EYS: variants seen among roughly 807,000 people sequenced by gnomAD.
The protein encoded by EYS is EGF-like photoreceptor maintenance factor, also known as protein eyes shut homolog.
A neutral mutation model predicts 282.1 loss-of-function variants in EYS; 250 were observed. That is an observed-to-expected ratio of 0.89 (90% confidence interval 0.80 to 0.98). EYS has a LOEUF of 0.98. EYS is among the 50% of genes least tolerant of loss of function. The pLI, the probability that EYS is intolerant of heterozygous loss-of-function variation, is 0.00. For synonymous variants in EYS, 1,355 were observed against 1,282.9 expected (o/e 1.06, Z -1.20); for missense variants, 4,016 against 3,709.0 (o/e 1.08, Z -2.15).
intron 35 of EYS, among the ~76,000 whole-genome samples, chr6:63,931,706 A>G (rs1562101469): frequency 6.6e-6 from 1 of 152,232 alleles, no homozygotes; most frequent in South Asian, 2.1e-4. Context: ...CACAAATACA[A>G]TGTATAAGGA....
At chr6:65,682,327 A>T (rs890190977) in intron 1 of EYS, among the ~76,000 whole-genome samples, 16 of 151,910 alleles carry the variant, frequency 1.1e-4, no homozygotes, top group Admixed American at 1.1e-3. Context: ...AGTGGGAAGA[A>T]AACATGGTAT....
intron 31 of EYS, among the ~76,000 whole-genome samples, chr6:64,221,130 C>A (rs1270886706): frequency 1.3e-5 from 2 of 152,050 alleles, no homozygotes; most frequent in Admixed American, 6.6e-5. Flanking sequence ...TGTGTATGTA[C>A]CAATTGTACA....
intron 12 of EYS, among the ~76,000 whole-genome samples, chr6:65,294,829 G>A (rs1489952616): frequency 1.3e-5 from 2 of 151,786 alleles, no homozygotes; most frequent in Non-Finnish European, 2.9e-5. Context: ...AACAATGCTA[G>A]CACATTTATG....
rs138542207 is a variant in EYS at position 64,449,002 on chromosome 6, C to T, written c.5645-9650G>A. On this transcript the variant is annotated intron_variant, in intron 26 of 42. Coordinates refer to ENST00000503581, the MANE Select transcript of EYS (RefSeq NM_001142800.2). ...TCACCAGCAATGGAACAAAGCTGGA[C>T]GGAGAATGACTTTGATGAGTTGAGA... is the stretch of plus-strand genomic sequence containing the variant. Among the ~76,000 whole-genome samples, 1,132 of 152,124 alleles carry T rather than the reference C, an allele frequency of 7.4e-3. 8 individuals are homozygous for T. The highest frequency in any genetic ancestry group is 0.026 in the African/African-American group (1,073 of 41,488).
intron 24 of EYS, among the ~76,000 whole-genome samples, chr6:64,608,183 A>C (rs927237411): frequency 6.6e-6 from 1 of 152,140 alleles, no homozygotes; most frequent in Non-Finnish European, 1.5e-5. Flanking sequence ...TAATCCATTC[A>C]TGTTTTCGTT....
rs530998187 is a variant in EYS, at chr6:64,784,014, A to G, written c.3443+29364T>C. Among the ~76,000 whole-genome samples, 13 of 152,232 alleles carry G rather than the reference A, an allele frequency of 8.5e-5. 1 individual carries two copies. Among genetic ancestry groups the G allele is most frequent in the African/African-American group, 3.1e-4 (13 of 41,562 alleles). ...GAGAATATGGTATGTTCATGACCTT[A>G]CAGAGTTTATGTACATATTTTGAAG... On this transcript the variant is annotated intron_variant, in intron 22 of 42. Coordinates refer to ENST00000503581, the MANE Select transcript of EYS (RefSeq NM_001142800.2).
chr6:65,315,334 A>G (rs981081848), intron 11 of EYS, among the ~76,000 whole-genome samples: 7 of 152,176 alleles, frequency 4.6e-5, no homozygotes, highest in Admixed American at 2.6e-4. Context: ...TACTATACAT[A>G]AATGCATACC....
At position 65,668,249 on chromosome 6, in the gene EYS, A is replaced by T. The variant is rs1562318453; in HGVS notation, c.-447-28357T>A. On this transcript the variant is annotated intron_variant, in intron 1 of 42. Coordinates refer to ENST00000503581, the MANE Select transcript of EYS (RefSeq NM_001142800.2). ...TGTTGTGACTAACATGCTTCTTCAC[A>T]TATGTGTTTAAAAGTACCCTAAAAT... Among the ~76,000 whole-genome samples the T allele has an allele frequency of 5.3e-5, 8 of 152,014 alleles. 1 individual carries two copies. The highest frequency in any genetic ancestry group is 5.3e-4 in the Admixed American group (8 of 15,236).
At chr6:65,468,609 G>A (rs952224385) in intron 5 of EYS, among the ~76,000 whole-genome samples, 2 of 151,832 alleles carry the variant, frequency 1.3e-5, no homozygotes, top group African/African-American at 2.4e-5. Context: ...GTATTCCAGC[G>A]TCCTTTTAAG....
intron 33 of EYS, among the ~76,000 whole-genome samples, chr6:64,058,877 A>G (rs1771071789): frequency 6.6e-6 from 1 of 152,234 alleles, no homozygotes; most frequent in African/African-American, 2.4e-5. Context: ...GTCTTTTCTG[A>G]CAGTGGTAGA....
At chr6:64,388,225 G>C (rs1298595085) in intron 29 of EYS, among the ~76,000 whole-genome samples, 1 of 151,994 alleles carries the variant, frequency 6.6e-6, no homozygotes. Context: ...TTAAAGAGTG[G>C]GCTGGCATGT....
At chr6:64,220,571 C>G (rs1766069883) in intron 31 of EYS, among the ~76,000 whole-genome samples, 1 of 152,128 alleles carries the variant, frequency 6.6e-6, no homozygotes, top group Non-Finnish European at 1.5e-5. Flanking sequence ...TGGTTCAGCC[C>G]TTCCTTGGGA....
intron 13 of EYS, among the ~76,000 whole-genome samples, chr6:65,007,086 T>G (rs1399742383): frequency 6.6e-6 from 1 of 152,138 alleles, no homozygotes; most frequent in Non-Finnish European, 1.5e-5. Flanking sequence ...GCATCCTGGA[T>G]CCCTTTTTTT....
intron 26 of EYS, among the ~76,000 whole-genome samples, chr6:64,460,459 A>G (rs956368887): frequency 2.0e-5 from 3 of 152,248 alleles, no homozygotes; most frequent in Non-Finnish European, 4.4e-5. Flanking sequence ...ATTAACACAC[A>G]TTGGAAAATC....
chr6:64,590,416 C>T lies in EYS; in HGVS notation c.5451G>A (p.Trp1817Ter). 6.4e-7 allele frequency: 1 copy of T among 1,551,298 alleles called. No individual in the cohort carries two copies. Among genetic ancestry groups the T allele is most frequent in the Non-Finnish European group, 8.7e-7 (1 of 1,146,748 alleles). Reference sequence around the variant, plus strand: ...AGGTCATATAATCTGTAAAATATGGCCAATCTGGCCTAATTACAGACATGG... The same window carrying T: ...AGGTCATATAATCTGTAAAATATGGTCAATCTGGCCTAATTACAGACATGG... The part of the protein sequence containing the change: ...SSSMSVIRPD[W>*]PYFTDYMTSL... The change falls in exon 26 of 43, where the codon TGG becomes TGA. Residue 1817 changes from tryptophan (W) to a stop codon, truncating the protein, a stop_gained. Transcript: ENST00000503581. LOFTEE classifies it high-confidence loss of function.
rs576203265 is a variant in EYS at position 64,263,707 on chromosome 6, C to T, written c.6192-32883G>A. 1.4e-4 allele frequency among the ~76,000 whole-genome samples: 22 copies of T among 152,166 alleles called. No homozygotes were observed. In the South Asian group the frequency reaches 2.5e-3, roughly 17 times the overall value. ...ATATGGCGATTTCTCTTGGCTCTGACGATTGGCTGAAACCCATATGGATGT... is the reference window on the plus strand; with the variant it reads ...ATATGGCGATTTCTCTTGGCTCTGATGATTGGCTGAAACCCATATGGATGT... On this transcript the variant is annotated intron_variant, in intron 30 of 42. Coordinates refer to ENST00000503581, the MANE Select transcript of EYS (RefSeq NM_001142800.2).
intron 12 of EYS, among the ~76,000 whole-genome samples, chr6:65,172,074 A>C (rs1145942): frequency 6.6e-6 from 1 of 151,184 alleles, no homozygotes; most frequent in Admixed American, 6.6e-5. Flanking sequence ...AAGAACAAAT[A>C]GTAAACTGAA....
At chr6:65,569,401 C>T (rs574675546) in intron 2 of EYS, among the ~76,000 whole-genome samples, 1 of 152,142 alleles carries the variant, frequency 6.6e-6, no homozygotes, top group Non-Finnish European at 1.5e-5. Context: ...TCTCTTCACA[C>T]GGACACCAGT....
chr6:64,889,838 G>A (rs936092285), intron 18 of EYS, among the ~76,000 whole-genome samples: 9 of 151,850 alleles, frequency 5.9e-5, no homozygotes, highest in African/African-American at 1.7e-4. Context: ...TGAAATCTGG[G>A]CACCTTAATA....
Sources: gnomAD v4.1 joint callset for allele counts (sites outside exome capture counted in the v4.1 genomes callset) on GRCh38, gnomAD v4.1.1 for gene constraint, MANE v1.5 for transcripts, NCBI Gene and HGNC (gene_info 2026-07-23, HGNC 2026-07-21) for gene names.